The following MYT1L variants were observed in gnomAD, a reference collection of about 807,000 sequenced individuals.
MYT1L encodes the protein myelin transcription factor 1-like protein.
A neutral mutation model predicts 126.7 loss-of-function variants in MYT1L; 12 were observed. The observed-to-expected ratio is 0.09, with a 90% CI of 0.06 to 0.15. MYT1L has a LOEUF of 0.15. Ranked by LOEUF, MYT1L falls within the 10% of genes least tolerant of loss-of-function variation. The pLI, the probability that MYT1L is intolerant of heterozygous loss-of-function variation, is 1.00. For synonymous variants in MYT1L, 541 were observed against 604.2 expected, an observed-to-expected ratio of 0.90 and a Z score of 1.53; for missense variants, 979 against 1,585.2, an observed-to-expected ratio of 0.62 and a Z score of 6.49.
chr2:2,109,997 CA>C lies in MYT1L; in HGVS notation c.-303-55875del, dbSNP rs533831171. Among the ~76,000 whole-genome samples, 810 of 147,518 alleles carry C rather than the reference CA, an allele frequency of 5.5e-3. 5 individuals are homozygous for C. Among genetic ancestry groups the C allele is most frequent in the African/African-American group, 0.019 (776 of 39,988 alleles). On this transcript the variant is annotated intron_variant, in intron 3 of 24. Coordinates refer to ENST00000647738, the MANE Select transcript of MYT1L (RefSeq NM_001303052.2). ...CTTAACAGTTCTATATCCATGGAAA[CA>C]AACAGTGAAACACAGCGTATGCACG...
In MYT1L at chr2:2,331,252, C is replaced by T. The variant is rs2096282409; in HGVS notation, c.-806G>A. 1 of 152,036 alleles carries T rather than the reference C, an allele frequency of 6.6e-6. No individual in the cohort carries two copies. Among genetic ancestry groups the T allele is most frequent in the South Asian group, 2.1e-4 (1 of 4,812 alleles). 9.4% of individuals were successfully genotyped at this position (152,036 alleles called of 1,614,324 possible). On this transcript the variant is annotated 5_prime_UTR_variant, in exon 1 of 25. In the 5' UTR this introduces an upstream ATG that the reference lacks. Transcript: ENST00000647738. ...AAGACTGCAGGGAAAAGCTCTCTCA[C>T]TGTTTAGTGTGCAGTAGCTTAGGGA...
chr2:1,860,648 G>A (rs937571339), intron 18 of MYT1L, among the ~76,000 whole-genome samples: 2 of 152,262 alleles, frequency 1.3e-5, no homozygotes, highest in South Asian at 2.1e-4. Context: ...GGTGGGATCC[G>A]GGATGAGATG....
intron 9 of MYT1L, among the ~76,000 whole-genome samples, chr2:1,930,908 A>C (rs1156359645): frequency 6.6e-6 from 1 of 152,242 alleles, no homozygotes; most frequent in Non-Finnish European, 1.5e-5. Context: ...TTGTTTTAAC[A>C]AAGAAAAGCA....
At chr2:1,797,017 C>A (rs1572308368) in intron 23 of MYT1L, among the ~76,000 whole-genome samples, 1 of 152,210 alleles carries the variant, frequency 6.6e-6, no homozygotes, top group South Asian at 2.1e-4. Flanking sequence ...CTGCTCCGGG[C>A]TCTGGTGTGA....
intron 18 of MYT1L, among the ~76,000 whole-genome samples, chr2:1,868,490 G>A (rs2045878026): frequency 6.6e-6 from 1 of 152,218 alleles, no homozygotes; most frequent in Non-Finnish European, 1.5e-5. Context: ...GGATCTTAGA[G>A]GATGAGAGGC....
At chr2:1,951,941 ATAAC>A (rs1209528082) in intron 8 of MYT1L, among the ~76,000 whole-genome samples, 2 of 152,252 alleles carry the variant, frequency 1.3e-5, no homozygotes, top group African/African-American at 4.8e-5. Flanking sequence ...ATGCAATTAA[ATAAC>A]TAGCATTTCC....
intron 2 of MYT1L, among the ~76,000 whole-genome samples, chr2:2,191,947 C>A (rs1472648021): frequency 6.6e-6 from 1 of 152,242 alleles, no homozygotes; most frequent in African/African-American, 2.4e-5. Context: ...GCAGACCCTA[C>A]GTTATCCATA....
intron 21 of MYT1L, among the ~76,000 whole-genome samples, chr2:1,822,560 G>A (rs2038698934): frequency 6.6e-6 from 1 of 152,190 alleles, no homozygotes; most frequent in Non-Finnish European, 1.5e-5. Flanking sequence ...GGGACCACAT[G>A]GATCTGAGGG....
At position 1,848,630 on chromosome 2, in the gene MYT1L, A is replaced by C. The variant is rs887497295; in HGVS notation, c.2774+3011T>G. ...ACAATAGAAGATTAACATGAAAAGA[A>C]GTTCCTCCTACTTGCATTTCTGGCC... On this transcript the variant is annotated intron_variant, in intron 19 of 24. Coordinates refer to ENST00000647738, the MANE Select transcript of MYT1L (RefSeq NM_001303052.2). The surrounding 1 kb of genome is among the most constrained non-coding windows in gnomAD (Gnocchi z 4.8). Among the ~76,000 whole-genome samples, 5 of 152,178 alleles carry C rather than the reference A, an allele frequency of 3.3e-5. No homozygotes were observed. The highest frequency in any genetic ancestry group is 6.5e-5 in the Admixed American group (1 of 15,278).
At chr2:2,221,217 C>A (rs537946424) in intron 2 of MYT1L, among the ~76,000 whole-genome samples, 93 of 152,252 alleles carry the variant, frequency 6.1e-4, no homozygotes, top group South Asian at 1.5e-3. Context: ...GGGGGCTGAG[C>A]CTTCTTGCTC....
intron 4 of MYT1L, among the ~76,000 whole-genome samples, chr2:2,048,772 G>A (rs1411950067): frequency 2.0e-5 from 3 of 152,110 alleles, no homozygotes; most frequent in Non-Finnish European, 2.9e-5. Flanking sequence ...TCAGGGTGTC[G>A]CCTGACTTCA....
At chr2:1,842,200 C>T (rs1435782987) in intron 19 of MYT1L, 1 of 152,256 alleles carries the variant, frequency 6.6e-6, no homozygotes, top group African/African-American at 2.4e-5. Flanking sequence ...CTTGGAAACA[C>T]GCAGATTCCC....
At chr2:1,845,879 G>A (rs936775325) in intron 19 of MYT1L, among the ~76,000 whole-genome samples, 2 of 152,156 alleles carry the variant, frequency 1.3e-5, no homozygotes, top group Non-Finnish European at 2.9e-5. Context: ...AAGACGTTCT[G>A]TAATACTGGT....
intron 4 of MYT1L, among the ~76,000 whole-genome samples, chr2:2,030,311 A>T (rs2066091904): frequency 6.6e-6 from 1 of 151,996 alleles, no homozygotes; most frequent in Non-Finnish European, 1.5e-5. Flanking sequence ...GTTAGCCGGG[A>T]TGGTCTCGAT....
At chr2:2,235,397 T>C (rs61368908) in intron 2 of MYT1L, among the ~76,000 whole-genome samples, 23,631 of 85,024 alleles carry the variant, frequency 0.28, 2,161 homozygotes, top group South Asian at 0.48. Context: ...TGTAGCTGGT[T>C]AGCTGGTTGG....
At chr2:2,032,021 C>T (rs1218259635) in intron 4 of MYT1L, among the ~76,000 whole-genome samples, 1 of 143,454 alleles carries the variant, frequency 7.0e-6, no homozygotes, top group African/African-American at 2.7e-5. Flanking sequence ...AGAACGAGGG[C>T]CTTATACACA....
rs999093220 is a variant in MYT1L, at chr2:1,804,605, G to A, written c.3173-2806C>T. On this transcript the variant is annotated intron_variant, in intron 22 of 24. Transcript: ENST00000647738. ...CAAATCCTACTCAAATTAGCATAGC[G>A]TGGTCCTGGAAGATTTTGATTTACT... Among the ~76,000 whole-genome samples the A allele has an allele frequency of 8.5e-5, 13 of 152,184 alleles. No homozygotes were observed. The East Asian group carries it at 2.5e-3, about 29-fold the overall frequency.
intron 8 of MYT1L, among the ~76,000 whole-genome samples, chr2:1,944,879 G>A (rs1416109880): frequency 3.3e-5 from 5 of 152,134 alleles, no homozygotes; most frequent in African/African-American, 7.2e-5. Flanking sequence ...TAATGAAAAC[G>A]TGCAGAGGGC....
At chr2:1,845,488 C>T (rs1050978272) in intron 19 of MYT1L, among the ~76,000 whole-genome samples, 12 of 152,088 alleles carry the variant, frequency 7.9e-5, no homozygotes, top group African/African-American at 1.9e-4. Flanking sequence ...TGATGTCCCC[C>T]GGCTGCTTGC....
Sources: allele counts gnomAD v4.1 joint callset (sites outside exome capture counted in the v4.1 genomes callset), GRCh38; gene constraint gnomAD v4.1.1; non-coding constraint Gnocchi (gnomAD v3.1); transcripts MANE v1.5; gene names NCBI Gene and HGNC (gene_info 2026-07-23, HGNC 2026-07-21).